Variants in TTC4 observed in about 807,000 individuals in gnomAD.
TTC4 encodes the protein hsp70/Hsp90 co-chaperone CNS1 homolog.
TTC4 carries 36 observed loss-of-function variants against 51.9 expected under a neutral mutation model. The ratio of observed to expected loss-of-function variants is 0.69; its 90% CI spans 0.53 to 0.92. TTC4 has a LOEUF of 0.92. Ranked by LOEUF, TTC4 falls within the 40% of genes least tolerant of loss-of-function variation. The pLI is 0.00. For missense variants in TTC4, 399 were observed against 454.6 expected (o/e 0.88, Z 1.11); for synonymous variants, 144 against 164.2 (o/e 0.88, Z 0.94).
chr1:54,720,942 C>T (rs35600843), intron 3 of TTC4, among the ~76,000 whole-genome samples: 14,060 of 151,994 alleles, frequency 0.093, 918 homozygotes, highest in South Asian at 0.19. Flanking sequence ...TGATGTTGAA[C>T]GTCTTTTCAT....
chr1:54,728,391 A>G lies in TTC4; in HGVS notation c.640A>G (p.Lys214Glu). 6.2e-7 allele frequency: 1 copy of G among 1,613,348 alleles called. No homozygotes were observed. Among genetic ancestry groups the G allele is most frequent in the Non-Finnish European group, 8.5e-7 (1 of 1,179,494 alleles). ...GAGGAAAGCCAACTTGAAAGAAAAGAAGGAGAGGAATCAGAATGAGGCTTT... is the reference window on the plus strand; with the variant it reads ...GAGGAAAGCCAACTTGAAAGAAAAGGAGGAGAGGAATCAGAATGAGGCTTT... ...DVRKANLKEK[K>E]ERNQNEALLQ... is the part of the protein sequence containing the mutation. The change falls in exon 6 of 10, where the codon AAG becomes GAG. Residue 214 changes from lysine (K) to glutamate (E), a missense_variant. Physicochemically the swap from Lys to Glu is moderately conservative, Grantham distance 56. This residue lies in a region of TTC4 where 316 missense variants were observed against 349.6 expected (regional missense o/e 0.90). Transcript: ENST00000371281.
chr1:54,722,914 C>CAGGAGTAGGGA, intron 5 of TTC4, 115 bp downstream of exon 5: 1 of 1,382,392 alleles, frequency 7.2e-7, no homozygotes, highest in Non-Finnish European at 9.8e-7. Flanking sequence ...AAAACTAGTC[C>CAGGAGTAGGGA]CTACTCCTGG....
At chr1:54,737,790 C>T in intron 9 of TTC4, 126 bp downstream of exon 9, 1 of 954,164 alleles carries the variant, frequency 1.0e-6, no homozygotes, top group Non-Finnish European at 1.5e-6. Flanking sequence ...TAGTGGAGAA[C>T]TCACAGTTCC....
intron 5 of TTC4, among the ~76,000 whole-genome samples, chr1:54,727,854 A>G (rs1645820182): frequency 6.6e-6 from 1 of 152,228 alleles, no homozygotes; most frequent in South Asian, 2.1e-4. Flanking sequence ...ACACTTCTCC[A>G]AAGACACACA....
At chr1:54,732,065 C>T (rs192738332) in intron 7 of TTC4, among the ~76,000 whole-genome samples, 233 of 152,112 alleles carry the variant, frequency 1.5e-3, no homozygotes, top group African/African-American at 5.0e-3. Context: ...GGCGCTGTGG[C>T]TTATGCCTGT....
At chr1:54,727,220 T>C (rs1301702197) in intron 5 of TTC4, among the ~76,000 whole-genome samples, 1 of 152,148 alleles carries the variant, frequency 6.6e-6, no homozygotes, top group Non-Finnish European at 1.5e-5. Context: ...TTATGGGGAA[T>C]TTATTTTCAA....
At chr1:54,721,967 A>G (rs927597413) in intron 4 of TTC4, among the ~76,000 whole-genome samples, 5 of 152,194 alleles carry the variant, frequency 3.3e-5, no homozygotes, top group Admixed American at 3.3e-4. Flanking sequence ...TTAATTTACA[A>G]TGTGACCTTG....
intron 6 of TTC4, among the ~76,000 whole-genome samples, chr1:54,728,771 C>T (rs1645830603): frequency 6.6e-6 from 1 of 152,136 alleles, no homozygotes; most frequent in South Asian, 2.1e-4. Flanking sequence ...TGTCTTCCAC[C>T]CACAAATATA....
At chr1:54,736,175 G>GGGGAGA (rs1313149468) in intron 8 of TTC4, among the ~76,000 whole-genome samples, 3 of 100,664 alleles carry the variant, frequency 3.0e-5, no homozygotes, top group Non-Finnish European at 5.8e-5. Flanking sequence ...AAGAAAGAAA[G>GGGGAGA]GAGAGAGAGA....
chr1:54,717,747 T>C (rs1645693644), intron 3 of TTC4, 94 bp downstream of exon 3: 1 of 1,208,548 alleles, frequency 8.3e-7, no homozygotes, highest in East Asian at 2.8e-5. Context: ...TGAGGGGCTG[T>C]TATCCCAGAA....
At chr1:54,736,223 A>T (rs914125864) in intron 8 of TTC4, among the ~76,000 whole-genome samples, 4 of 87,784 alleles carry the variant, frequency 4.6e-5, no homozygotes, top group South Asian at 4.4e-4. Flanking sequence ...AGAGAGAGAG[A>T]AGAGGAGAGG....
Position 54,733,648 on chromosome 1 carries a change from G to C in TTC4, c.916G>C (p.Val306Leu). The C allele has an allele frequency of 6.2e-7, 1 of 1,602,886 alleles. No individual in the cohort carries two copies. Among genetic ancestry groups the C allele is most frequent in the South Asian group, 1.1e-5 (1 of 89,010 alleles). The change falls in exon 8 of 10, where the codon GTG becomes CTG. Residue 306 changes from valine to leucine, a missense_variant. Val to Leu is a conservative substitution (Grantham distance 32). This residue lies in a region of TTC4 where 19 missense variants were observed against 43.7 expected (regional missense o/e 0.43). Coordinates refer to ENST00000371281, the MANE Select transcript of TTC4 (RefSeq NM_004623.5). Reference protein sequence around the residue: ...EDSRFIDHLMVMFGETPSWDL... With the variant: ...EDSRFIDHLMLMFGETPSWDL... The stretch of plus-strand genomic sequence containing the variant: ...CCTTAGGTTTATTGATCATCTAATG[G>C]TGATGTTTGGTGAAACACCCTCTTG...
In TTC4 at chr1:54,741,759, C is replaced by T. The variant is rs1025461291; in HGVS notation, c.*246C>T. ...TGGCCATGATGTCCTTGGACTCCAT[C>T]GCTAAAGGGACCATCTGCTGCAGTT... On this transcript the variant is annotated 3_prime_UTR_variant, in exon 10 of 10. Coordinates refer to ENST00000371281, the MANE Select transcript of TTC4 (RefSeq NM_004623.5). 17 of 534,724 alleles carry T rather than the reference C, an allele frequency of 3.2e-5. No individual in the cohort carries two copies. Among genetic ancestry groups the T allele is most frequent in the South Asian group, 7.1e-5 (3 of 42,320 alleles). 33.1% of individuals were successfully genotyped at this position (534,724 alleles called of 1,614,324 possible).
intron 4 of TTC4, 94 bp downstream of exon 4, chr1:54,721,334 T>C (rs559045273): frequency 1.6e-6 from 2 of 1,258,616 alleles, no homozygotes; most frequent in Non-Finnish European, 1.1e-6. Flanking sequence ...AGTCTGGGTA[T>C]TAAGTTCCTG....
At chr1:54,730,845 T>C (rs1330551906) in intron 6 of TTC4, among the ~76,000 whole-genome samples, 4 of 151,460 alleles carry the variant, frequency 2.6e-5, no homozygotes, top group Admixed American at 6.6e-5. Flanking sequence ...CTCGTTGGAG[T>C]GGAAGGCTCT....
At chr1:54,719,188 GT>G (rs1341823268) in intron 3 of TTC4, among the ~76,000 whole-genome samples, 28 of 150,908 alleles carry the variant, frequency 1.9e-4, no homozygotes, top group Admixed American at 1.8e-3. Flanking sequence ...TAGGTCACTG[GT>G]GCAGCAGAGG....
At chr1:54,717,964 C>G (rs1645695818) in intron 3 of TTC4, among the ~76,000 whole-genome samples, 1 of 152,144 alleles carries the variant, frequency 6.6e-6, no homozygotes, top group Non-Finnish European at 1.5e-5. Context: ...ATGTGTTTTT[C>G]TGGCCTTTTA....
chr1:54,717,407 G>GGTGTGTCA, intron 2 of TTC4, 85 bp from the exon 3 acceptor site: 1 of 1,290,572 alleles, frequency 7.7e-7, no homozygotes, highest in Non-Finnish European at 1.0e-6. Flanking sequence ...GTGTCATATA[G>GGTGTGTCA]TACATTATTA....
At position 54,716,688 on chromosome 1, in the gene TTC4, T is replaced by C. The variant is rs1324682217; in HGVS notation, c.200T>C (p.Ile67Thr). 1 of 1,613,220 alleles carries C rather than the reference T, an allele frequency of 6.2e-7. No individual in the cohort carries two copies. Among genetic ancestry groups the C allele is most frequent in the Non-Finnish European group, 8.5e-7 (1 of 1,179,874 alleles). Residue 67 changes from isoleucine to threonine, a missense_variant, in exon 2 of 10, where the codon ATT becomes ACT. Coordinates refer to ENST00000371281, the MANE Select transcript of TTC4 (RefSeq NM_004623.5). ...ENPDLACLQS[I>T]IFDEERSPEE... ...CCTGACTTGGCTTGTCTCCAGTCAA[T>C]TATTTTTGATGAGGAGCGTTCTCCA...
Sources: allele counts gnomAD v4.1 joint callset (sites outside exome capture counted in the v4.1 genomes callset), GRCh38; gene constraint gnomAD v4.1.1; regional missense constraint gnomAD v4.1.1; transcripts MANE v1.5; gene names NCBI Gene and HGNC (gene_info 2026-07-23, HGNC 2026-07-21).